MRTFB: variants seen among roughly 807,000 people sequenced by gnomAD.
The protein encoded by MRTFB is myocardin-related transcription factor B.
In MRTFB, 29 loss-of-function variants were observed where a neutral mutation model predicts 104.2. That is an observed-to-expected ratio of 0.28 (90% CI 0.21 to 0.38). The LOEUF (loss-of-function observed/expected upper bound fraction) is 0.38. Ranked by LOEUF, MRTFB falls within the 10% of genes least tolerant of loss-of-function variation. The pLI is 1.00. For missense variants in MRTFB, 1,270 were observed against 1,341.6 expected (o/e 0.95, Z 0.83); for synonymous variants, 535 against 519.5 (o/e 1.03, Z -0.41).
Position 14,203,966 on chromosome 16 carries a change from A to G in MRTFB, c.155-6277A>G, listed in dbSNP as rs150417683. 1.2e-3 allele frequency among the ~76,000 whole-genome samples: 186 copies of G among 151,916 alleles called. No homozygotes were observed. The East Asian group carries it at 0.02, about 16-fold the overall frequency. On this transcript the variant is annotated intron_variant, in intron 3 of 16. Coordinates refer to ENST00000571589, the MANE Select transcript of MRTFB (RefSeq NM_001308142.2). The stretch of plus-strand genomic sequence containing the variant: ...TTTAAAGGTTTTGTTTTGTGTGTTT[A>G]TTTGTTTGTTTGAGACAGAGTTCTT...
At chr16:14,037,445 G>C in the MRTFB span, among the ~76,000 whole-genome samples, 2 of 152,218 alleles carry the variant, frequency 1.3e-5, no homozygotes, top group Non-Finnish European at 2.9e-5. Context: ...AGAGGCAGCT[G>C]GACATGTGGG....
chr16:14,085,382 G>C (rs953599403), intron 2 of MRTFB, among the ~76,000 whole-genome samples: 1 of 151,076 alleles, frequency 6.6e-6, no homozygotes, highest in Admixed American at 6.6e-5. Context: ...ACTTGAATCC[G>C]GGAGGTGGAG....
intron 3 of MRTFB, chr16:14,148,582 A>G (rs1410258873): frequency 1.3e-5 from 2 of 152,620 alleles, no homozygotes; most frequent in Admixed American, 6.5e-5. Context: ...ACTAATTAGC[A>G]AATATCATGT....
intron 3 of MRTFB, chr16:14,141,172 G>A (rs908973110): frequency 1.8e-5 from 3 of 166,960 alleles, no homozygotes; most frequent in Non-Finnish European, 3.9e-5. Flanking sequence ...CTATCTCAGT[G>A]ATGACTAAGA....
chr16:14,174,199 ATAT>A (rs1297516949), intron 3 of MRTFB, among the ~76,000 whole-genome samples: 17 of 152,132 alleles, frequency 1.1e-4, no homozygotes, highest in Non-Finnish European at 4.4e-5. Flanking sequence ...TTGGCCTTAT[ATAT>A]CCTTATTTTT....
chr16:14,152,062 GAT>G (rs1330164748), intron 3 of MRTFB: 1 of 152,122 alleles, frequency 6.6e-6, no homozygotes, highest in African/African-American at 2.4e-5. Context: ...AAAGTCATTT[GAT>G]ATATATGATA....
chr16:14,020,188 G>A, the MRTFB span: 1 of 152,036 alleles, frequency 6.6e-6, no homozygotes, highest in South Asian at 2.1e-4. Context: ...CCCCTCCCCT[G>A]GAACAAATCC....
chr16:14,164,985 G>T (rs866158236), intron 3 of MRTFB, among the ~76,000 whole-genome samples: 1 of 151,388 alleles, frequency 6.6e-6, no homozygotes, highest in African/African-American at 2.4e-5. Flanking sequence ...ATTTCTAATC[G>T]CATCTTCCTT....
chr16:13,998,011 C>T, the MRTFB span, among the ~76,000 whole-genome samples: 1 of 152,054 alleles, frequency 6.6e-6, no homozygotes, highest in African/African-American at 2.4e-5. Context: ...AGAGACCTCT[C>T]AGAGAGCGTG....
intron 3 of MRTFB, 41 bp downstream of exon 3, chr16:14,140,801 T>C (rs751349619): frequency 5.6e-6 from 9 of 1,611,320 alleles, no homozygotes; most frequent in Non-Finnish European, 7.6e-6. Context: ...ATTTAAAGAT[T>C]TCCCCTCTTT....
At chr16:14,145,393 G>A (rs2038258165) in intron 3 of MRTFB, among the ~76,000 whole-genome samples, 1 of 152,120 alleles carries the variant, frequency 6.6e-6, no homozygotes, top group Admixed American at 6.5e-5. Context: ...GTCTAAAAGG[G>A]TAATATATAA....
intron 9 of MRTFB, among the ~76,000 whole-genome samples, chr16:14,235,823 C>T (rs1363899398): frequency 1.3e-5 from 2 of 152,156 alleles, no homozygotes; most frequent in Admixed American, 6.5e-5. Flanking sequence ...ATACTCGAAC[C>T]GCATTTTGAG....
intron 8 of MRTFB, among the ~76,000 whole-genome samples, chr16:14,222,299 C>A (rs970755969): frequency 5.9e-5 from 9 of 152,166 alleles, no homozygotes; most frequent in Non-Finnish European, 2.9e-5. Context: ...CATGTTTAAT[C>A]CTATGGCTTA....
intron 2 of MRTFB, among the ~76,000 whole-genome samples, chr16:14,082,992 G>C (rs531299152): frequency 6.6e-6 from 1 of 152,118 alleles, no homozygotes; most frequent in East Asian, 1.9e-4. Context: ...CCGTGAGCAT[G>C]GGATATCTTT....
At chr16:14,070,209 C>T (rs1456793952), upstream of MRTFB, among the ~76,000 whole-genome samples, 9 of 152,190 alleles carry the variant, frequency 5.9e-5, no homozygotes, top group African/African-American at 2.2e-4. Flanking sequence ...AGAACAGGAC[C>T]TACCTACAAG....
intron 3 of MRTFB, among the ~76,000 whole-genome samples, chr16:14,180,640 C>T (rs1049746900): frequency 6.6e-6 from 1 of 152,208 alleles, no homozygotes; most frequent in Non-Finnish European, 1.5e-5. Flanking sequence ...GGAGGAGCCA[C>T]GCAAGCTGTC....
At chr16:14,119,792 T>G (rs1213960855) in intron 2 of MRTFB, among the ~76,000 whole-genome samples, 3 of 152,202 alleles carry the variant, frequency 2.0e-5, no homozygotes, top group Non-Finnish European at 4.4e-5. Context: ...TGTAGGAGTT[T>G]AGTCTAAAAT....
intron 2 of MRTFB, among the ~76,000 whole-genome samples, chr16:14,138,519 T>A (rs1308002945): frequency 6.6e-6 from 1 of 152,204 alleles, no homozygotes; most frequent in East Asian, 1.9e-4. Flanking sequence ...AGGTTTCTTC[T>A]TAAGAGTGGT....
the MRTFB span, among the ~76,000 whole-genome samples, chr16:14,023,675 GTCTA>G: frequency 2.0e-4 from 29 of 145,062 alleles, no homozygotes; most frequent in Non-Finnish European, 2.9e-4. Context: ...GTGTGTGTGT[GTCTA>G]TATATATATA....
Sources: allele counts gnomAD v4.1 joint callset (sites outside exome capture counted in the v4.1 genomes callset), GRCh38; gene constraint gnomAD v4.1.1; transcripts MANE v1.5; gene names NCBI Gene and HGNC (gene_info 2026-07-23, HGNC 2026-07-21).